The following CDH4 variants were observed in gnomAD, a reference collection of about 807,000 sequenced individuals.
CDH4 encodes the protein cadherin 4, also known as cadherin-4.
Under a neutral mutation model 86.0 loss-of-function variants are expected in CDH4, and 33 were observed. That is an observed-to-expected ratio of 0.38 (90% CI 0.29 to 0.51). The LOEUF (loss-of-function observed/expected upper bound fraction) is 0.51. CDH4 is among the 20% of genes least tolerant of loss of function. The pLI, the probability that CDH4 is intolerant of heterozygous loss-of-function variation, is 0.86. For missense variants in CDH4, 1,114 were observed against 1,307.4 expected, an observed-to-expected ratio of 0.85 and a Z score of 2.28; for synonymous variants, 555 against 549.4, an observed-to-expected ratio of 1.01 and a Z score of -0.14.
intron 2 of CDH4, among the ~76,000 whole-genome samples, chr20:61,682,316 GGAGA>G (rs764415718): frequency 1.4e-4 from 22 of 151,768 alleles, no homozygotes; most frequent in African/African-American, 5.1e-4. Flanking sequence ...ACAGATGGAA[GGAGA>G]GAGGGAGGGA....
rs553604167 is a variant in CDH4 at position 61,710,673 on chromosome 20, G to A, written c.170-32890G>A. 1.8e-4 allele frequency among the ~76,000 whole-genome samples: 27 copies of A among 152,372 alleles called. No individual in the cohort carries two copies. The South Asian group carries it at 5.4e-3, about 30-fold the overall frequency. On this transcript the variant is annotated intron_variant, in intron 2 of 15. Transcript: ENST00000614565. ...AGGAAGGGGCAAGGGCCCATGTGGA[G>A]CAGGGTGCAGGCAGAGCCACGTTCA...
chr20:61,793,614 G>A (rs1436355742), intron 4 of CDH4, among the ~76,000 whole-genome samples: 1 of 151,926 alleles, frequency 6.6e-6, no homozygotes, highest in Non-Finnish European at 1.5e-5. Context: ...GGCCGAGGCA[G>A]GTGGATCACG....
rs1036586202 is a variant in CDH4, at chr20:61,252,916, G to T, written c.57+346G>T. 1.3e-5 allele frequency among the ~76,000 whole-genome samples: 2 copies of T among 151,808 alleles called. No individual in the cohort carries two copies. The highest frequency in any genetic ancestry group is 4.8e-5 in the African/African-American group (2 of 41,390). ...GCCTGCATGGGGCAGGCTTCCACTG[G>T]CGGAGCCGGCGCGCCCTCCATCGCC... On this transcript the variant is annotated intron_variant, in intron 1 of 15. Transcript: ENST00000614565. This position sits in a 1 kb window ranked among gnomAD's most constrained non-coding sequence, Gnocchi z 4.4.
At chr20:61,412,102 G>C (rs1044332133) in intron 2 of CDH4, among the ~76,000 whole-genome samples, 2 of 152,224 alleles carry the variant, frequency 1.3e-5, no homozygotes, top group Non-Finnish European at 2.9e-5. Flanking sequence ...GCAGGCACCA[G>C]CCAGTTTCTG....
At chr20:61,666,361 C>T (rs974097580) in intron 2 of CDH4, among the ~76,000 whole-genome samples, 5 of 152,200 alleles carry the variant, frequency 3.3e-5, no homozygotes, top group African/African-American at 4.8e-5. Context: ...CAGCTGCTGC[C>T]GGCACAGCCA....
intron 4 of CDH4, among the ~76,000 whole-genome samples, chr20:61,791,432 G>A (rs556763505): frequency 6.6e-6 from 1 of 152,340 alleles, no homozygotes; most frequent in Admixed American, 6.5e-5. Flanking sequence ...GTTTTTCTAG[G>A]AAAGTCCATC....
chr20:61,359,348 G>A (rs28497690), intron 2 of CDH4, among the ~76,000 whole-genome samples: 35,348 of 152,068 alleles, frequency 0.23, 4,566 homozygotes, highest in South Asian at 0.34. Flanking sequence ...GCCTGTGTGC[G>A]TGCTCTCCAC....
At chr20:61,564,442 G>C (rs1336964231) in intron 2 of CDH4, among the ~76,000 whole-genome samples, 1 of 152,142 alleles carries the variant, frequency 6.6e-6, no homozygotes, top group African/African-American at 2.4e-5. Context: ...CTTCCCCTCG[G>C]TGCTGAGTGA....
intron 2 of CDH4, among the ~76,000 whole-genome samples, chr20:61,636,559 T>C (rs2086948237): frequency 6.6e-6 from 1 of 152,262 alleles, no homozygotes; most frequent in African/African-American, 2.4e-5. Context: ...TTTACTTGTC[T>C]CTGAGCCCAG....
At chr20:61,522,835 T>C (rs2085881653) in intron 2 of CDH4, among the ~76,000 whole-genome samples, 1 of 152,254 alleles carries the variant, frequency 6.6e-6, no homozygotes, top group African/African-American at 2.4e-5. Flanking sequence ...TTTGAAGTTA[T>C]CCTGGCCAGT....
chr20:61,856,393 G>A (rs1361327079), intron 6 of CDH4, among the ~76,000 whole-genome samples: 2 of 128,952 alleles, frequency 1.6e-5, no homozygotes, highest in African/African-American at 3.1e-5. Flanking sequence ...CAGCCCCCCG[G>A]GATTCACAAG....
rs6061390 is a variant in CDH4 at position 61,427,025 on chromosome 20, G to C, written c.169+172088G>C. On this transcript the variant is annotated intron_variant, in intron 2 of 15. Transcript: ENST00000614565. ...TCACTCATTTATGACTGAAGTGAGA[G>C]TTGTATGTACAACAGCAGCTCCAAG... Among the ~76,000 whole-genome samples, 219 of 152,348 alleles carry C rather than the reference G, an allele frequency of 1.4e-3. 1 individual carries two copies. The highest frequency in any genetic ancestry group is 5.0e-3 in the African/African-American group (208 of 41,582).
At position 61,772,928 on chromosome 20, in the gene CDH4, T is replaced by A. The variant is rs927640408; in HGVS notation, c.397-75T>A. 2.0e-5 allele frequency: 28 copies of A among 1,372,246 alleles called. No homozygotes were observed. In the Admixed American group the frequency reaches 4.2e-4, roughly 20 times the overall value. The allele number at this position is 1,372,246 out of a possible 1,614,324, so 85.0% of individuals were successfully genotyped here. ...TCAGTCTCGGGCAGTACAGATCATC[T>A]TAGCAGATGCCATTTTCCTCTGTGC... On this transcript the variant is annotated intron_variant, in intron 3 of 15. Transcript: ENST00000614565.
At chr20:61,647,474 G>A (rs544880549) in intron 2 of CDH4, among the ~76,000 whole-genome samples, 1 of 150,860 alleles carries the variant, frequency 6.6e-6, no homozygotes, top group Non-Finnish European at 1.5e-5. Context: ...GTATCTCAAA[G>A]TGATAGTCAA....
rs2085831112 is a variant in CDH4 at position 61,517,567 on chromosome 20, A to AG, written c.170-225995dup. Among the ~76,000 whole-genome samples, 1 of 152,120 alleles carries AG rather than the reference A, an allele frequency of 6.6e-6. No homozygotes were observed. The highest frequency in any genetic ancestry group is 2.4e-5 in the African/African-American group (1 of 41,428). On this transcript the variant is annotated intron_variant, in intron 2 of 15. Transcript: ENST00000614565. This position sits in a 1 kb window ranked among gnomAD's most constrained non-coding sequence, Gnocchi z 6.6. ...GTCCCCCCAGTGGAGGATGAATTCA[A>AG]GCACAATTCCTGCCTTCTTCACTCC...
chr20:61,415,334 TGAAAA>T (rs937266314), intron 2 of CDH4, among the ~76,000 whole-genome samples: 6 of 152,142 alleles, frequency 3.9e-5, no homozygotes, highest in African/African-American at 1.4e-4. Context: ...GAAAAAAAAG[TGAAAA>T]GAAACAGTAA....
At chr20:61,314,947 A>T (rs894169904) in intron 2 of CDH4, among the ~76,000 whole-genome samples, 3 of 152,218 alleles carry the variant, frequency 2.0e-5, no homozygotes, top group Non-Finnish European at 4.4e-5. Context: ...ATGTCTGTTC[A>T]GGTCCTCTGC....
chr20:61,600,677 C>T (rs1351204876), intron 2 of CDH4, among the ~76,000 whole-genome samples: 1 of 152,196 alleles, frequency 6.6e-6, no homozygotes, highest in Non-Finnish European at 1.5e-5. Context: ...ATCCTTAAGT[C>T]CCTTGTATAA....
At chr20:61,896,286 G>C (rs1035363088) in intron 8 of CDH4, among the ~76,000 whole-genome samples, 11 of 152,172 alleles carry the variant, frequency 7.2e-5, no homozygotes, top group Admixed American at 1.3e-4. Flanking sequence ...ATGGGGTCAG[G>C]AGGGAGACGC....
Sources: gnomAD v4.1 joint callset for allele counts (sites outside exome capture counted in the v4.1 genomes callset) on GRCh38, gnomAD v4.1.1 for gene constraint, Gnocchi (gnomAD v3.1) non-coding constraint, MANE v1.5 for transcripts, NCBI Gene and HGNC (gene_info 2026-07-23, HGNC 2026-07-21) for gene names.